The following NR1I2 variants were observed in gnomAD, a reference collection of about 807,000 sequenced individuals.
NR1I2 encodes nuclear receptor subfamily 1 group I member 2.
NR1I2 carries 42 observed loss-of-function variants against 43.3 expected under a neutral mutation model. That is an observed-to-expected ratio of 0.97 (90% CI 0.76 to 1.26). NR1I2 has a LOEUF of 1.26. NR1I2 is among the 50% of genes most tolerant of loss of function. The probability of loss-of-function intolerance (pLI) is 0.00; values close to 1 mark genes in which losing one functional copy is unlikely to be tolerated. For synonymous variants in NR1I2, 229 were observed against 215.0 expected (o/e 1.06, Z -0.57); for missense variants, 559 against 566.7 (o/e 0.99, Z 0.14).
Position 119,817,677 on chromosome 3 carries a change from C to A in NR1I2, c.*465C>A. 1 of 1,113,216 alleles carries A rather than the reference C, an allele frequency of 9.0e-7. No individual in the cohort carries two copies. The highest frequency in any genetic ancestry group is 2.4e-5 in the South Asian group (1 of 41,902). 69.0% of individuals were successfully genotyped at this position (1,113,216 alleles called of 1,614,324 possible). ...ATAGTCCTGTCTCCCACTTCCCACTCGTTCCCCTCCTCTTCCGAGCTGCTT... is the reference window on the plus strand; with the variant it reads ...ATAGTCCTGTCTCCCACTTCCCACTAGTTCCCCTCCTCTTCCGAGCTGCTT... On this transcript the variant is annotated 3_prime_UTR_variant, in exon 9 of 9. Transcript: ENST00000393716.
chr3:119,797,846 C>T (rs1361254995), intron 1 of NR1I2, among the ~76,000 whole-genome samples: 1 of 152,200 alleles, frequency 6.6e-6, no homozygotes, highest in East Asian at 1.9e-4. Flanking sequence ...CTTTATTTTG[C>T]CTTTACAATA....
intron 1 of NR1I2, among the ~76,000 whole-genome samples, chr3:119,796,639 G>A (rs561433857): frequency 6.6e-6 from 1 of 152,062 alleles, no homozygotes; most frequent in African/African-American, 2.4e-5. Context: ...ATCTCCAGTT[G>A]CACCGCTCTT....
At chr3:119,792,414 CACTG>C in intron 1 of NR1I2, 1 of 1,217,504 alleles carries the variant, frequency 8.2e-7, no homozygotes, top group East Asian at 2.3e-5. Flanking sequence ...GGCCAGAACT[CACTG>C]GCCACTGCAG....
intron 1 of NR1I2, among the ~76,000 whole-genome samples, chr3:119,785,310 T>C (rs1214549463): frequency 6.6e-6 from 1 of 152,226 alleles, no homozygotes; most frequent in Non-Finnish European, 1.5e-5. Context: ...ATTGAAATTG[T>C]TTTCCTCTAG....
At chr3:119,792,356 C>A in intron 1 of NR1I2, 3 of 1,408,898 alleles carry the variant, frequency 2.1e-6, no homozygotes, top group Non-Finnish European at 3.0e-6. Flanking sequence ...GGAAGGAGTT[C>A]ACAGAAGCAG....
chr3:119,796,143 T>C (rs1323888318), intron 1 of NR1I2, among the ~76,000 whole-genome samples: 1 of 152,198 alleles, frequency 6.6e-6, no homozygotes, highest in African/African-American at 2.4e-5. Flanking sequence ...AACTTTGTGA[T>C]TTTTTTCTAG....
At chr3:119,792,880 C>CA (rs1362750459) in intron 1 of NR1I2, among the ~76,000 whole-genome samples, 1 of 151,350 alleles carries the variant, frequency 6.6e-6, no homozygotes, top group Non-Finnish European at 1.5e-5. Context: ...GTCTCAAAAA[C>CA]AAAAAACAAA....
In NR1I2 at chr3:119,816,154, C is replaced by A. The variant is rs28365101; in HGVS notation, c.1160+323C>A. Among the ~76,000 whole-genome samples, 3 of 152,352 alleles carry A rather than the reference C, an allele frequency of 2.0e-5. No individual in the cohort carries two copies. The East Asian group carries it at 5.8e-4, about 29-fold the overall frequency. On this transcript the variant is annotated intron_variant, in intron 8 of 8. Transcript: ENST00000393716. ...CAAGGCCATGAAGGGTTAAGGCCAA[C>A]ACTGAGTATTATAGTGTGAACCTAT... is the stretch of plus-strand genomic sequence containing the variant.
At chr3:119,800,957 A>C (rs561986188) in intron 1 of NR1I2, among the ~76,000 whole-genome samples, 1 of 152,316 alleles carries the variant, frequency 6.6e-6, no homozygotes, top group Non-Finnish European at 1.5e-5. Context: ...GCAGCATAGC[A>C]CTGAATTAAG....
At position 119,817,203 on chromosome 3, in the gene NR1I2, A is replaced by T; in HGVS notation, c.1296A>T (p.Thr432=). The T allele has an allele frequency of 4.3e-6, 7 of 1,613,992 alleles. No homozygotes were observed. The highest frequency in any genetic ancestry group is 5.9e-6 in the Non-Finnish European group (7 of 1,180,002). Residue 432 remains threonine, a synonymous_variant, in exon 9 of 9, where the codon ACA becomes ACT. Transcript: ENST00000393716. ...TCATGCAGGAGTTGTTCGGCATCAC[A>T]GGTAGCTGAGCGGCTGCCCTTGGGT...
At chr3:119,793,606 G>A (rs937723825) in intron 1 of NR1I2, among the ~76,000 whole-genome samples, 4 of 152,002 alleles carry the variant, frequency 2.6e-5, no homozygotes, top group African/African-American at 4.8e-5. Flanking sequence ...TCCACATTAC[G>A]TCTCTTTCTC....
Position 119,808,583 on chromosome 3 carries a change from G to A in NR1I2, c.197+1136G>A, listed in dbSNP as rs550331588. ...TCGTGCATCCTGCCTCAGCATGCAG[G>A]AATCTTCTGCTCTCCCTTCCTCATT... On this transcript the variant is annotated intron_variant, in intron 2 of 8. Transcript: ENST00000393716. Among the ~76,000 whole-genome samples the A allele has an allele frequency of 5.3e-5, 8 of 152,348 alleles. No homozygotes were observed. In the East Asian group the frequency reaches 1.4e-3, roughly 26 times the overall value.
intron 8 of NR1I2, 65 bp downstream of exon 8, chr3:119,815,896 G>A: frequency 7.4e-7 from 1 of 1,354,652 alleles, no homozygotes; most frequent in Non-Finnish European, 1.0e-6. Flanking sequence ...CAGGGAAATT[G>A]CCCAAGACTT....
At chr3:119,793,330 C>T (rs1354971100) in intron 1 of NR1I2, among the ~76,000 whole-genome samples, 2 of 152,190 alleles carry the variant, frequency 1.3e-5, no homozygotes, top group African/African-American at 4.8e-5. Context: ...ACTTTTTCCC[C>T]TCCAGAGTTA....
At chr3:119,813,112 T>C in intron 5 of NR1I2, 152 bp downstream of exon 5, 1 of 883,446 alleles carries the variant, frequency 1.1e-6, no homozygotes, top group Non-Finnish European at 1.8e-6. Flanking sequence ...CCAGTGCTGC[T>C]GGGGAGTAGA....
At chr3:119,799,160 A>G (rs2055042070) in intron 1 of NR1I2, among the ~76,000 whole-genome samples, 1 of 152,208 alleles carries the variant, frequency 6.6e-6, no homozygotes, top group African/African-American at 2.4e-5. Context: ...TCCTGCTAGC[A>G]GTGCATAAGG....
intron 1 of NR1I2, among the ~76,000 whole-genome samples, chr3:119,801,983 A>G (rs756278454): frequency 3.3e-5 from 5 of 152,168 alleles, no homozygotes; most frequent in Non-Finnish European, 7.3e-5. Flanking sequence ...GGGCTCTCCA[A>G]AGACAAAAGC....
chr3:119,806,523 C>T lies in NR1I2; in HGVS notation c.-22-706C>T, dbSNP rs115056692. On this transcript the variant is annotated intron_variant, in intron 1 of 8. Transcript: ENST00000393716. The stretch of plus-strand genomic sequence containing the variant: ...CTGGTCTCAGATTCCTGGGCTCAAG[C>T]GATCCTCTTGCCTCAGCCTCCCAAA... Among the ~76,000 whole-genome samples, 280 of 152,118 alleles carry T rather than the reference C, an allele frequency of 1.8e-3. 1 individual carries two copies. The highest frequency in any genetic ancestry group is 6.1e-3 in the African/African-American group (254 of 41,500).
At chr3:119,816,919 A>G (rs1478258717) in intron 8 of NR1I2, 149 bp from the exon 9 acceptor site, 2 of 973,788 alleles carry the variant, frequency 2.1e-6, no homozygotes, top group Non-Finnish European at 3.2e-6. Context: ...TCTACAGGGT[A>G]AAAGAGAAGC....
Sources: allele counts gnomAD v4.1 joint callset (sites outside exome capture counted in the v4.1 genomes callset), GRCh38; gene constraint gnomAD v4.1.1; transcripts MANE v1.5; gene names NCBI Gene and HGNC (gene_info 2026-07-23, HGNC 2026-07-21).